Variants in USP33 observed in about 807,000 individuals in gnomAD.
USP33 encodes the protein ubiquitin carboxyl-terminal hydrolase 33.
A neutral mutation model predicts 124.2 loss-of-function variants in USP33; 46 were observed. The ratio of observed to expected loss-of-function variants is 0.37; its 90% confidence interval spans 0.29 to 0.47. The LOEUF (loss-of-function observed/expected upper bound fraction) is 0.47, where lower values mean the gene tolerates loss of function less well. Ranked by LOEUF, USP33 falls within the 20% of genes least tolerant of loss-of-function variation. The pLI, the probability that USP33 is intolerant of heterozygous loss-of-function variation, is 0.99. For synonymous variants in USP33, 350 were observed against 352.3 expected (o/e 0.99, Z 0.07); for missense variants, 851 against 1,070.6 (o/e 0.79, Z 2.86).
Position 77,723,321 on chromosome 1 carries a change from T to G in USP33, c.1389+10A>C. 1.2e-5 allele frequency: 19 copies of G among 1,571,940 alleles called. No individual in the cohort carries two copies. The highest frequency in any genetic ancestry group is 1.7e-5 in the Non-Finnish European group (19 of 1,144,080). ...GAATTTTCTGTGTATTCTAATACCC[T>G]CATACTCACCCTGTCACAAGTCAGA... On this transcript the variant is annotated intron_variant, in intron 12 of 23. Coordinates refer to ENST00000370794, the MANE Select transcript of USP33 (RefSeq NM_201624.3).
Position 77,728,236 on chromosome 1 carries a change from A to T in USP33, c.1135+59T>A, listed in dbSNP as rs1395584004. 4 of 1,466,926 alleles carry T rather than the reference A, an allele frequency of 2.7e-6. No individual in the cohort carries two copies. In the African/African-American group the frequency reaches 5.7e-5, roughly 21 times the overall value. The allele number at this position is 1,466,926 out of a possible 1,614,324, so 90.9% of individuals were successfully genotyped here. A position where few individuals can be genotyped will look rare whatever the true frequency, so the allele number is the denominator to read the frequency against. ...AATACCCAAAGTAACAATTATTTAA[A>T]CACCCATGTCTACAAATGAAATACT... On this transcript the variant is annotated intron_variant, in intron 10 of 23. Transcript: ENST00000370794.
At chr1:77,701,319 CA>C (rs750817157) in intron 22 of USP33, 49 bp downstream of exon 22, 8 of 1,358,984 alleles carry the variant, frequency 5.9e-6, no homozygotes, top group African/African-American at 2.9e-5. Flanking sequence ...ACTTGTCAAA[CA>C]AAAAAACAAA....
At chr1:77,716,392 G>A (rs144651920) in intron 17 of USP33, among the ~76,000 whole-genome samples, 32 of 152,266 alleles carry the variant, frequency 2.1e-4, no homozygotes, top group African/African-American at 6.5e-4. Flanking sequence ...ACCCAATGAC[G>A]GATGAATAAA....
intron 1 of USP33, among the ~76,000 whole-genome samples, chr1:77,757,027 A>T (rs543526230): frequency 6.6e-6 from 1 of 152,346 alleles, no homozygotes; most frequent in Admixed American, 6.5e-5. Context: ...TATGAATATC[A>T]GCCACATTGT....
At chr1:77,726,357 A>C (rs911356523) in intron 10 of USP33, among the ~76,000 whole-genome samples, 2 of 152,138 alleles carry the variant, frequency 1.3e-5, no homozygotes, top group Non-Finnish European at 2.9e-5. Context: ...ATTAAAAAAA[A>C]AAAAAGAGGC....
chr1:77,741,015 C>A, intron 3 of USP33, 76 bp from the exon 4 acceptor site: 3 of 1,023,374 alleles, frequency 2.9e-6, no homozygotes, highest in Non-Finnish European at 4.2e-6. Context: ...ATTACAATTA[C>A]ATTTACAATT....
chr1:77,743,624 G>C (rs374405993), intron 1 of USP33, among the ~76,000 whole-genome samples: 1 of 151,998 alleles, frequency 6.6e-6, no homozygotes, highest in Non-Finnish European at 1.5e-5. Context: ...ACAGGTGCAC[G>C]CCATGTGATT....
At chr1:77,723,305 G>C in intron 12 of USP33, 26 bp downstream of exon 12, 1 of 1,488,160 alleles carries the variant, frequency 6.7e-7, no homozygotes, top group South Asian at 1.2e-5. Flanking sequence ...CGAATTTTCT[G>C]TGTATTCTAA....
At chr1:77,720,157 T>C in intron 15 of USP33, among the ~76,000 whole-genome samples, 1 of 87,058 alleles carries the variant, frequency 1.1e-5, no homozygotes, top group East Asian at 3.6e-4. Context: ...TGAGACTATG[T>C]CTCAAATGAA....
At chr1:77,701,514 G>A in intron 21 of USP33, 43 bp from the exon 22 acceptor site, 1 of 1,489,328 alleles carries the variant, frequency 6.7e-7, no homozygotes, top group South Asian at 1.2e-5. Flanking sequence ...TCTAAAACTT[G>A]CTTTATGGCA....
rs1257654807 is a variant in USP33 at position 77,723,237 on chromosome 1, AAG to A, written c.1389+92_1389+93del. 20 of 917,838 alleles carry A rather than the reference AAG, an allele frequency of 2.2e-5. No homozygotes were observed. The Admixed American group carries it at 4.5e-4, about 21-fold the overall frequency. The allele number at this position is 917,838 out of a possible 1,614,324, so 56.9% of individuals were successfully genotyped here. A position where few individuals can be genotyped will look rare whatever the true frequency, so the allele number is the denominator to read the frequency against. ...AATGCATGTATGCTCATCAATAGCA[AAG>A]AGAAGGAATTAAACTTTTCACATCA... On this transcript the variant is annotated intron_variant, in intron 12 of 23. Coordinates refer to ENST00000370794, the MANE Select transcript of USP33 (RefSeq NM_201624.3).
intron 22 of USP33, 47 bp from the exon 23 acceptor site, chr1:77,697,978 AAAATTGCAT>A (rs762074714): frequency 1.3e-6 from 2 of 1,534,962 alleles, no homozygotes; most frequent in Admixed American, 1.9e-5. Context: ...AATGTAACAA[AAAATTGCAT>A]AATTTTGTGC....
chr1:77,711,534 C>T (rs1276632691), intron 21 of USP33: 17 of 452,570 alleles, frequency 3.8e-5, no homozygotes, highest in Middle Eastern at 7.4e-4. Flanking sequence ...CTCATACACA[C>T]ACACACACAC....
rs1051831140 is a variant in USP33 at position 77,759,809 on chromosome 1, A to G, written c.-218T>C. On this transcript the variant is annotated 5_prime_UTR_variant, in exon 1 of 24. Coordinates refer to ENST00000370794, the MANE Select transcript of USP33 (RefSeq NM_201624.3). ...TGCCCTCGGGGGGTCCGCCTCCTGA[A>G]CTGGCCACTTCCCGCAGCAGCCGCG... is the stretch of plus-strand genomic sequence containing the variant. 5.0e-6 allele frequency: 2 copies of G among 396,824 alleles called. No individual in the cohort carries two copies. Among genetic ancestry groups the G allele is most frequent in the African/African-American group, 2.1e-5 (1 of 48,514 alleles). The allele number at this position is 396,824 out of a possible 1,614,324, so 24.6% of individuals were successfully genotyped here. A position where few individuals can be genotyped will look rare whatever the true frequency, so the allele number is the denominator to read the frequency against.
intron 21 of USP33, among the ~76,000 whole-genome samples, chr1:77,702,417 TTTAC>T (rs1272154239): frequency 6.6e-6 from 1 of 152,170 alleles, no homozygotes; most frequent in Non-Finnish European, 1.5e-5. Flanking sequence ...ATACTTTTTG[TTTAC>T]TTAAGATACT....
chr1:77,720,176 A>C, intron 15 of USP33: 1 of 378,174 alleles, frequency 2.6e-6, no homozygotes, highest in Non-Finnish European at 3.6e-6. Context: ...AAAAAAAAAA[A>C]AAAAAAAAAA....
intron 22 of USP33, 69 bp from the exon 23 acceptor site, chr1:77,698,000 G>C (rs997098123): frequency 1.5e-6 from 2 of 1,306,482 alleles, no homozygotes; most frequent in East Asian, 2.4e-5. Context: ...TTTTGTGCTT[G>C]ACAAAATTGT....
intron 15 of USP33, among the ~76,000 whole-genome samples, chr1:77,719,567 T>G (rs902254662): frequency 2.0e-5 from 3 of 151,422 alleles, no homozygotes; most frequent in Admixed American, 2.0e-4. Context: ...CATATCAAAC[T>G]CTTGGCCAGG....
At chr1:77,732,503 A>C (rs948416388) in intron 7 of USP33, among the ~76,000 whole-genome samples, 1 of 152,208 alleles carries the variant, frequency 6.6e-6, no homozygotes, top group Non-Finnish European at 1.5e-5. Flanking sequence ...TAAAAATATA[A>C]GAGAGATTAT....
Sources: allele counts gnomAD v4.1 joint callset (sites outside exome capture counted in the v4.1 genomes callset), GRCh38; gene constraint gnomAD v4.1.1; transcripts MANE v1.5; gene names NCBI Gene and HGNC (gene_info 2026-07-23, HGNC 2026-07-21).